The following TBC1D5 variants were observed in gnomAD, a reference collection of about 807,000 sequenced individuals.
The protein encoded by TBC1D5 is TBC1 domain family, member 5.
In TBC1D5, 75 loss-of-function variants were observed where a neutral mutation model predicts 100.3. The ratio of observed to expected loss-of-function variants is 0.75; its 90% CI spans 0.62 to 0.91. TBC1D5 has a LOEUF of 0.91. Among genes scored for constraint, TBC1D5 ranks in the 40% least tolerant of loss-of-function variants. TBC1D5 has a pLI of 0.00. For synonymous variants in TBC1D5, 323 were observed against 325.6 expected, an observed-to-expected ratio of 0.99 and a Z score of 0.09; for missense variants, 910 against 942.4, an observed-to-expected ratio of 0.97 and a Z score of 0.45.
intron 3 of TBC1D5, among the ~76,000 whole-genome samples, chr3:17,495,013 G>A (rs549944684): frequency 2.0e-5 from 3 of 152,336 alleles, no homozygotes; most frequent in Non-Finnish European, 4.4e-5. Context: ...CTGGGGATGG[G>A]AGCTCCCCTT....
chr3:17,569,094 C>T (rs1560181464), intron 2 of TBC1D5, among the ~76,000 whole-genome samples: 1 of 151,810 alleles, frequency 6.6e-6, no homozygotes, highest in African/African-American at 2.4e-5. Flanking sequence ...CAAGGGCACT[C>T]TCTGAATAAC....
intron 3 of TBC1D5, among the ~76,000 whole-genome samples, chr3:17,435,168 A>G (rs1345000712): frequency 2.6e-5 from 4 of 152,166 alleles, no homozygotes; most frequent in Non-Finnish European, 5.9e-5. Flanking sequence ...CCAAGTCTCT[A>G]GGAAATTCCA....
intron 13 of TBC1D5, among the ~76,000 whole-genome samples, chr3:17,371,436 G>A (rs892192240): frequency 6.6e-6 from 1 of 152,090 alleles, no homozygotes; most frequent in African/African-American, 2.4e-5. Flanking sequence ...TTTGCACTGA[G>A]CTCTGCAAAT....
chr3:17,576,133 C>A (rs889815679), intron 2 of TBC1D5, among the ~76,000 whole-genome samples: 17 of 152,096 alleles, frequency 1.1e-4, no homozygotes, highest in Non-Finnish European at 2.2e-4. Flanking sequence ...TCCAATCCTC[C>A]TAGAATTTTT....
At chr3:17,159,900 C>A (rs1166367116) in exon 22 of TBC1D5, 1 of 152,280 alleles carries the variant, frequency 6.6e-6, no homozygotes, top group Non-Finnish European at 1.5e-5. Context: ...ACAGAAGGGA[C>A]TCTAGGTCCA....
intron 18 of TBC1D5, among the ~76,000 whole-genome samples, chr3:17,211,435 T>C (rs980124699): frequency 6.6e-6 from 1 of 152,248 alleles, no homozygotes; most frequent in African/African-American, 2.4e-5. Context: ...CATTGGAATG[T>C]GCCTGATCTC....
At chr3:17,604,763 T>C (rs996871456) in intron 2 of TBC1D5, among the ~76,000 whole-genome samples, 8 of 152,194 alleles carry the variant, frequency 5.3e-5, no homozygotes, top group Non-Finnish European at 1.0e-4. Context: ...CAACCTCCAC[T>C]TCCAGGGTTC....
intron 1 of TBC1D5, among the ~76,000 whole-genome samples, chr3:17,644,573 C>A (rs574307221): frequency 6.6e-6 from 1 of 152,086 alleles, no homozygotes; most frequent in Non-Finnish European, 1.5e-5. Context: ...ACTTCCACTG[C>A]AGGCTACAAA....
At chr3:17,350,138 T>C (rs879311900) in intron 13 of TBC1D5, among the ~76,000 whole-genome samples, 1 of 152,170 alleles carries the variant, frequency 6.6e-6, no homozygotes, top group Non-Finnish European at 1.5e-5. Context: ...TTTGTTGTTG[T>C]TGTATTAATT....
intron 1 of TBC1D5, among the ~76,000 whole-genome samples, chr3:17,652,859 C>T (rs1560381651): frequency 6.6e-6 from 1 of 152,154 alleles, no homozygotes; most frequent in Non-Finnish European, 1.5e-5. Context: ...AATGTGCATA[C>T]ATGTTCACTG....
chr3:17,461,903 A>C lies in TBC1D5; in HGVS notation c.98-33384T>G, dbSNP rs1232813512. ...ATTGATTCTGTCTTTTACTGCTTCT[A>C]AGAGACATTTCATTTCTGCTATCAC... On this transcript the variant is annotated intron_variant, in intron 3 of 21. Transcript: ENST00000253692. Among the ~76,000 whole-genome samples, 3 of 152,106 alleles carry C rather than the reference A, an allele frequency of 2.0e-5. No homozygotes were observed. In the South Asian group the frequency reaches 6.2e-4, roughly 31 times the overall value.
rs181740089 is a variant in TBC1D5 at position 17,173,326 on chromosome 3, C to T, written c.1853-5498G>A. Among the ~76,000 whole-genome samples the T allele has an allele frequency of 3.2e-3, 482 of 152,316 alleles. 3 individuals carry two copies. Among genetic ancestry groups the T allele is most frequent in the Non-Finnish European group, 5.4e-3 (365 of 68,022 alleles). ...GCAGAGGCACAGGATGGGATATTGG[C>T]ACTGACTTGATTGCCTTGAGATGTA... is the stretch of plus-strand genomic sequence containing the variant. On this transcript the variant is annotated intron_variant, in intron 19 of 21. Transcript: ENST00000253692.
chr3:17,393,043 A>ACCATTCTAACTTTTTAATGATC (rs2093399885), intron 8 of TBC1D5, among the ~76,000 whole-genome samples: 1 of 151,654 alleles, frequency 6.6e-6, no homozygotes, highest in African/African-American at 2.4e-5. Context: ...TTTAATGATC[A>ACCATTCTAACTTTTTAATGATC]CCATTCTAAC....
rs375014902 is a variant in TBC1D5, at chr3:17,315,675, T to C, written c.996-7541A>G. ...AGATTTCAGGTTAAGGGAGTTCACC[T>C]GGAAACTCTCAAATCTCAATGCAAA... On this transcript the variant is annotated intron_variant, in intron 13 of 21. Coordinates refer to ENST00000253692, the Ensembl canonical transcript of TBC1D5. Among the ~76,000 whole-genome samples, 68 of 152,330 alleles carry C rather than the reference T, an allele frequency of 4.5e-4. 1 individual carries two copies. In the East Asian group the frequency reaches 8.5e-3, roughly 19 times the overall value.
intron 1 of TBC1D5, among the ~76,000 whole-genome samples, chr3:17,626,321 G>C (rs975244527): frequency 6.6e-6 from 1 of 152,136 alleles, no homozygotes; most frequent in Non-Finnish European, 1.5e-5. Context: ...CATGAAAGCT[G>C]AGTCCATACC....
At chr3:17,684,122 T>C (rs1432665331) in intron 1 of TBC1D5, among the ~76,000 whole-genome samples, 1 of 151,934 alleles carries the variant, frequency 6.6e-6, no homozygotes, top group Non-Finnish European at 1.5e-5. Context: ...CACATTGGCA[T>C]TACTGAAGCA....
intron 17 of TBC1D5, among the ~76,000 whole-genome samples, chr3:17,217,691 T>A (rs371159826): frequency 6.6e-6 from 1 of 152,128 alleles, no homozygotes; most frequent in Non-Finnish European, 1.5e-5. Flanking sequence ...TTTATTCAAA[T>A]CTTTTGCCCA....
exon 6 of TBC1D5, chr3:17,404,884 G>A (rs749481999): frequency 6.3e-7 from 1 of 1,587,582 alleles, no homozygotes; most frequent in South Asian, 1.2e-5. Flanking sequence ...TTTCTTTAAT[G>A]TTGCTATACC....
At chr3:17,596,568 T>C (rs926861850) in intron 2 of TBC1D5, among the ~76,000 whole-genome samples, 22 of 151,672 alleles carry the variant, frequency 1.5e-4, no homozygotes, top group African/African-American at 4.3e-4. Flanking sequence ...TCCGCCCACC[T>C]TGGCCTCCCA....
Sources: allele counts gnomAD v4.1 joint callset (sites outside exome capture counted in the v4.1 genomes callset), GRCh38; gene constraint gnomAD v4.1.1; transcripts MANE v1.5; gene names NCBI Gene and HGNC (gene_info 2026-07-23, HGNC 2026-07-21).